OR2C1: variants seen among roughly 807,000 people sequenced by gnomAD.
OR2C1 encodes the protein olfactory receptor family 2 subfamily C member 1.
For synonymous variants in OR2C1, 209 were observed against 167.3 expected (o/e 1.25, Z -1.92); for missense variants, 468 against 388.3 (o/e 1.21, Z -1.73).
the OR2C1 span, chr16:3,323,242 C>G: frequency 1.3e-5 from 10 of 774,566 alleles, no homozygotes; most frequent in Non-Finnish European, 2.3e-5. Context: ...CCAGATGTGC[C>G]CATCTCCTTG....
chr16:3,328,527 T>A, the OR2C1 span, among the ~76,000 whole-genome samples: 2 of 152,178 alleles, frequency 1.3e-5, no homozygotes, highest in Non-Finnish European at 2.9e-5. Flanking sequence ...GTCAAAACTG[T>A]GAGACAGGAA....
chr16:3,327,203 C>T, the OR2C1 span, among the ~76,000 whole-genome samples: 1 of 152,212 alleles, frequency 6.6e-6, no homozygotes, highest in Admixed American at 6.5e-5. Context: ...AAATCACCAA[C>T]ATTTTGCCAA....
the OR2C1 span, among the ~76,000 whole-genome samples, chr16:3,346,968 G>A: frequency 1.3e-5 from 2 of 150,480 alleles, no homozygotes; most frequent in African/African-American, 4.9e-5. Context: ...GGTGAGGCCA[G>A]TCGCGGTGGC....
At chr16:3,325,849 A>C in the OR2C1 span, among the ~76,000 whole-genome samples, 4 of 151,810 alleles carry the variant, frequency 2.6e-5, no homozygotes, top group African/African-American at 9.7e-5. Flanking sequence ...TGAGGCATGT[A>C]GGTGCCTGAT....
At chr16:3,337,620 A>T in the OR2C1 span, among the ~76,000 whole-genome samples, 1 of 152,020 alleles carries the variant, frequency 6.6e-6, no homozygotes. Context: ...TCTTTTTGTT[A>T]TATTTCTCAG....
the OR2C1 span, among the ~76,000 whole-genome samples, chr16:3,340,846 A>C: frequency 2.6e-5 from 4 of 151,990 alleles, no homozygotes; most frequent in African/African-American, 9.6e-5. Context: ...TCACAATTTT[A>C]GTTAATGTAG....
chr16:3,348,195 A>C, the OR2C1 span, among the ~76,000 whole-genome samples: 1 of 152,232 alleles, frequency 6.6e-6, no homozygotes. Context: ...CCTATGGGAC[A>C]GTGCAGAGGA....
At position 3,356,279 on chromosome 16, in the gene OR2C1, C is replaced by G; in HGVS notation, c.339C>G (p.Ile113Met). The change falls in exon 1 of 1, where the codon ATC becomes ATG. Residue 113 changes from isoleucine to methionine, a missense_variant. By Grantham distance (10) the Ile-to-Met change is conservative (BLOSUM62 1). Coordinates refer to ENST00000304936, the MANE Select transcript of OR2C1 (RefSeq NM_012368.3). ...VFLWLGATEC[I>M]LLVVMAFDRY... Reference sequence around the variant, plus strand: ...TTTGGCTGGGGGCCACCGAGTGCATCCTGCTGGTGGTGATGGCATTTGACC... The same window carrying G: ...TTTGGCTGGGGGCCACCGAGTGCATGCTGCTGGTGGTGATGGCATTTGACC... 6.2e-7 allele frequency: 1 copy of G among 1,613,826 alleles called. No homozygotes were observed. Among genetic ancestry groups the G allele is most frequent in the Non-Finnish European group, 8.5e-7 (1 of 1,180,004 alleles).
rs764132091 is a variant in OR2C1, at chr16:3,356,265, G to T, written c.325G>T (p.Ala109Ser). ...TQLYVFLWLG[A>S]TECILLVVMA... Reference sequence around the variant, plus strand: ...GCTCTATGTCTTCCTTTGGCTGGGGGCCACCGAGTGCATCCTGCTGGTGGT... The same window carrying T: ...GCTCTATGTCTTCCTTTGGCTGGGGTCCACCGAGTGCATCCTGCTGGTGGT... Residue 109 changes from alanine (A) to serine (S), a missense_variant, in exon 1 of 1, where the codon GCC (alanine) becomes TCC (serine). By Grantham distance (99) the Ala-to-Ser change is moderately conservative (BLOSUM62 1). Transcript: ENST00000304936. 9.3e-6 allele frequency: 15 copies of T among 1,613,788 alleles called. No individual in the cohort carries two copies. Among genetic ancestry groups the T allele is most frequent in the Non-Finnish European group, 1.3e-5 (15 of 1,180,042 alleles).
chr16:3,349,597 C>A, the OR2C1 span, among the ~76,000 whole-genome samples: 1 of 152,054 alleles, frequency 6.6e-6, no homozygotes, highest in African/African-American at 2.4e-5. Flanking sequence ...AGGTACATTT[C>A]CATAAACAAT....
the OR2C1 span, among the ~76,000 whole-genome samples, chr16:3,325,031 G>A: frequency 6.6e-6 from 1 of 152,130 alleles, no homozygotes; most frequent in Non-Finnish European, 1.5e-5. Flanking sequence ...ACCCAGACTG[G>A]AGTGCAATGG....
chr16:3,341,314 T>G, the OR2C1 span, among the ~76,000 whole-genome samples: 1 of 152,148 alleles, frequency 6.6e-6, no homozygotes, highest in Admixed American at 6.5e-5. Flanking sequence ...GCAACTTTGC[T>G]GAATTAATTT....
the OR2C1 span, among the ~76,000 whole-genome samples, chr16:3,350,663 G>A: frequency 3.3e-5 from 5 of 151,300 alleles, no homozygotes; most frequent in Admixed American, 6.6e-5. Flanking sequence ...CTCCCGCCTC[G>A]GCCTCCCAAA....
At chr16:3,345,156 G>A in the OR2C1 span, among the ~76,000 whole-genome samples, 1 of 151,838 alleles carries the variant, frequency 6.6e-6, no homozygotes, top group African/African-American at 2.4e-5. Flanking sequence ...AAACATTGTG[G>A]AGGAAAAAGT....
At chr16:3,352,582 C>G (rs1370237198), upstream of OR2C1, among the ~76,000 whole-genome samples, 1 of 151,838 alleles carries the variant, frequency 6.6e-6, no homozygotes, top group African/African-American at 2.4e-5. Flanking sequence ...CCTTAATTGA[C>G]TTTTTCTAAG....
the OR2C1 span, among the ~76,000 whole-genome samples, chr16:3,328,608 T>C: frequency 3.9e-5 from 6 of 152,286 alleles, no homozygotes; most frequent in South Asian, 1.2e-3. Flanking sequence ...CAGACTAGGA[T>C]GGAGAGCAGA....
At chr16:3,330,917 TA>T in the OR2C1 span, among the ~76,000 whole-genome samples, 49 of 144,006 alleles carry the variant, frequency 3.4e-4, 1 homozygote, top group Non-Finnish European at 2.6e-4. Context: ...AATTTGTAAT[TA>T]AAAATTTTTT....
chr16:3,324,202 A>G, the OR2C1 span, among the ~76,000 whole-genome samples: 1 of 152,088 alleles, frequency 6.6e-6, no homozygotes, highest in Non-Finnish European at 1.5e-5. Context: ...TTTTTATTTT[A>G]TTTTTTGGAG....
At chr16:3,335,065 C>T in the OR2C1 span, among the ~76,000 whole-genome samples, 9 of 151,872 alleles carry the variant, frequency 5.9e-5, no homozygotes, top group South Asian at 2.1e-4. Flanking sequence ...GTGATCTGCC[C>T]GCCTCAGCCT....
Sources: allele counts gnomAD v4.1 joint callset (sites outside exome capture counted in the v4.1 genomes callset), GRCh38; gene constraint gnomAD v4.1.1; transcripts MANE v1.5; gene names NCBI Gene and HGNC (gene_info 2026-07-23, HGNC 2026-07-21).